Variants in FTO observed in about 807,000 individuals in gnomAD.
FTO encodes the protein alpha-ketoglutarate-dependent dioxygenase FTO.
In FTO, 47 loss-of-function variants were observed where a neutral mutation model predicts 63.9. That is an observed-to-expected ratio of 0.74 (90% CI 0.58 to 0.94). The LOEUF (loss-of-function observed/expected upper bound fraction) is 0.94. Among genes scored for constraint, FTO ranks in the 40% least tolerant of loss-of-function variants. The pLI, the probability that FTO is intolerant of heterozygous loss-of-function variation, is 0.00. For synonymous variants in FTO, 207 were observed against 224.4 expected (o/e 0.92, Z 0.69); for missense variants, 562 against 618.1 (o/e 0.91, Z 0.96).
intron 1 of FTO, among the ~76,000 whole-genome samples, chr16:53,753,701 T>C (rs992767521): frequency 6.6e-6 from 1 of 152,206 alleles, no homozygotes; most frequent in Non-Finnish European, 1.5e-5. Context: ...ACATAGCATC[T>C]ACTACCATCA....
intron 1 of FTO, among the ~76,000 whole-genome samples, chr16:53,763,135 G>A (rs2077110888): frequency 6.6e-6 from 1 of 152,178 alleles, no homozygotes; most frequent in Non-Finnish European, 1.5e-5. Context: ...TTTGGAAGAT[G>A]TTTATCCCGG....
At chr16:53,771,968 A>G (rs2077350905) in intron 1 of FTO, among the ~76,000 whole-genome samples, 1 of 152,096 alleles carries the variant, frequency 6.6e-6, no homozygotes, top group Non-Finnish European at 1.5e-5. Context: ...ATGGGGAGTG[A>G]CTGCTAATGG....
At chr16:53,856,830 T>C (rs964511063) in intron 4 of FTO, among the ~76,000 whole-genome samples, 3 of 152,140 alleles carry the variant, frequency 2.0e-5, no homozygotes, top group Non-Finnish European at 4.4e-5. Flanking sequence ...ATATAAATCA[T>C]AGTCCTTGGT....
At chr16:54,065,190 C>T (rs2085695141) in intron 8 of FTO, among the ~76,000 whole-genome samples, 1 of 147,180 alleles carries the variant, frequency 6.8e-6, no homozygotes, top group Non-Finnish European at 1.5e-5. Context: ...TGGGGTCTTG[C>T]TCCATCATCC....
chr16:53,844,562 C>A (rs370066339), intron 4 of FTO, among the ~76,000 whole-genome samples: 1 of 152,112 alleles, frequency 6.6e-6, no homozygotes. Flanking sequence ...TGGATTCAAG[C>A]AATTCTCCTT....
intron 8 of FTO, among the ~76,000 whole-genome samples, chr16:54,019,237 T>C (rs1075887): frequency 0.51 from 77,847 of 151,554 alleles, 22,120 homozygotes; most frequent in African/African-American, 0.76. Flanking sequence ...GCAAGGGAAA[T>C]GGAAGCACCA....
At chr16:53,754,100 A>G (rs1449566744) in intron 1 of FTO, among the ~76,000 whole-genome samples, 3 of 152,116 alleles carry the variant, frequency 2.0e-5, no homozygotes, top group East Asian at 3.9e-4. Flanking sequence ...GCTAGGCCCT[A>G]TTTACAAATT....
chr16:53,826,784 G>A (rs942952706), intron 3 of FTO, among the ~76,000 whole-genome samples: 1 of 152,316 alleles, frequency 6.6e-6, no homozygotes, highest in African/African-American at 2.4e-5. Flanking sequence ...GCCCAGGAGA[G>A]CAGCCTCTTG....
intron 8 of FTO, among the ~76,000 whole-genome samples, chr16:54,041,479 T>C (rs1171054639): frequency 6.6e-6 from 1 of 152,040 alleles, no homozygotes; most frequent in African/African-American, 2.4e-5. Context: ...AAGCAAACTC[T>C]CCCTAGTAGA....
Position 54,074,518 on chromosome 16 carries a change from T to C in FTO, c.1365-37244T>C, listed in dbSNP as rs577781750. 3.5e-4 allele frequency among the ~76,000 whole-genome samples: 53 copies of C among 152,324 alleles called. 1 individual carries two copies. The South Asian group carries it at 0.011, about 32-fold the overall frequency. The stretch of plus-strand genomic sequence containing the variant: ...CTTTTGCCTCTTTTCACTTACTATA[T>C]CATAAGCAGGTTTTCTTATCTTTAA... On this transcript the variant is annotated intron_variant, in intron 8 of 8. Coordinates refer to ENST00000471389, the MANE Select transcript of FTO (RefSeq NM_001080432.3).
At chr16:53,758,719 GA>G (rs2076980416) in intron 1 of FTO, among the ~76,000 whole-genome samples, 1 of 152,070 alleles carries the variant, frequency 6.6e-6, no homozygotes, top group South Asian at 2.1e-4. Flanking sequence ...AGAAGAAAAG[GA>G]ACCCAGAGGA....
At chr16:53,929,589 G>A (rs961811798) in intron 7 of FTO, among the ~76,000 whole-genome samples, 5 of 152,190 alleles carry the variant, frequency 3.3e-5, no homozygotes, top group African/African-American at 4.8e-5. Flanking sequence ...TATGCTAAAC[G>A]TATGTTTAAC....
intron 8 of FTO, among the ~76,000 whole-genome samples, chr16:53,950,909 C>T (rs1353118152): frequency 6.6e-6 from 1 of 152,172 alleles, no homozygotes; most frequent in East Asian, 1.9e-4. Flanking sequence ...AGGTGCGGTG[C>T]ACCTAGGCTC....
chr16:54,089,327 T>C (rs1257066566), intron 8 of FTO, among the ~76,000 whole-genome samples: 1 of 152,196 alleles, frequency 6.6e-6, no homozygotes, highest in African/African-American at 2.4e-5. Flanking sequence ...TGTCAGTTAG[T>C]GAAAACCAAC....
chr16:53,967,156 TG>T (rs1292496526), intron 8 of FTO, among the ~76,000 whole-genome samples: 1 of 152,138 alleles, frequency 6.6e-6, no homozygotes, highest in Non-Finnish European at 1.5e-5. Flanking sequence ...TTTTGCACGG[TG>T]GGGATGAATT....
At chr16:53,839,640 T>TACCCC (rs1490154450) in intron 3 of FTO, among the ~76,000 whole-genome samples, 6 of 152,052 alleles carry the variant, frequency 3.9e-5, no homozygotes, top group Non-Finnish European at 5.9e-5. Context: ...GGGAAAGTAG[T>TACCCC]CAAGCAGACT....
At chr16:54,051,274 G>A (rs2085306596) in intron 8 of FTO, among the ~76,000 whole-genome samples, 1 of 152,180 alleles carries the variant, frequency 6.6e-6, no homozygotes, top group Admixed American at 6.5e-5. Flanking sequence ...CCGGTGTCAT[G>A]GCATCTAGTA....
At chr16:53,735,555 T>A (rs2076373890) in intron 1 of FTO, among the ~76,000 whole-genome samples, 2 of 152,186 alleles carry the variant, frequency 1.3e-5, no homozygotes, top group South Asian at 4.1e-4. Flanking sequence ...CCTCCTTTTT[T>A]AGGTATTCTT....
At chr16:53,802,125 T>TGGG (rs2078244709) in intron 1 of FTO, among the ~76,000 whole-genome samples, 1 of 152,132 alleles carries the variant, frequency 6.6e-6, no homozygotes, top group Non-Finnish European at 1.5e-5. Context: ...TTGCTATCTG[T>TGGG]GGGGGATTGG....
Sources: gnomAD v4.1 joint callset for allele counts (sites outside exome capture counted in the v4.1 genomes callset) on GRCh38, gnomAD v4.1.1 for gene constraint, MANE v1.5 for transcripts, NCBI Gene and HGNC (gene_info 2026-07-23, HGNC 2026-07-21) for gene names.